Variants in SEMA5A observed in about 807,000 individuals in gnomAD.
SEMA5A encodes the protein semaphorin 5A.
In SEMA5A, 55 loss-of-function variants were observed where a neutral mutation model predicts 135.5. That is an observed-to-expected ratio of 0.41 (90% CI 0.33 to 0.51). The LOEUF is 0.51. Among genes scored for constraint, SEMA5A ranks in the 20% least tolerant of loss-of-function variants. The pLI, the probability that SEMA5A is intolerant of heterozygous loss-of-function variation, is 0.37. For synonymous variants in SEMA5A, 580 were observed against 546.5 expected (o/e 1.06, Z -0.85); for missense variants, 1,290 against 1,419.9 (o/e 0.91, Z 1.47).
At chr5:9,333,463 C>T (rs1455210488) in intron 4 of SEMA5A, among the ~76,000 whole-genome samples, 29 of 152,190 alleles carry the variant, frequency 1.9e-4, no homozygotes, top group Admixed American at 1.5e-3. Flanking sequence ...AATCACTTGC[C>T]ACCCTTAGAA....
chr5:9,462,179 T>C (rs1759082586), intron 1 of SEMA5A, among the ~76,000 whole-genome samples: 1 of 152,304 alleles, frequency 6.6e-6, no homozygotes, highest in African/African-American at 2.4e-5. Flanking sequence ...ATGAGCACAC[T>C]TTTTAAAAGA....
chr5:9,436,279 C>T (rs1214926263), intron 2 of SEMA5A, among the ~76,000 whole-genome samples: 5 of 152,232 alleles, frequency 3.3e-5, no homozygotes, highest in African/African-American at 1.2e-4. Context: ...CCAACACAGG[C>T]TCCATGTGGT....
chr5:9,439,970 G>A (rs1207963419), intron 1 of SEMA5A, among the ~76,000 whole-genome samples: 1 of 152,248 alleles, frequency 6.6e-6, no homozygotes, highest in African/African-American at 2.4e-5. Flanking sequence ...TACATAAATA[G>A]TGAAAAAGAT....
chr5:9,208,312 G>A (rs1333509211), intron 8 of SEMA5A, among the ~76,000 whole-genome samples: 1 of 152,192 alleles, frequency 6.6e-6, no homozygotes, highest in Non-Finnish European at 1.5e-5. Flanking sequence ...AAACACAGTG[G>A]CAGGGACCAT....
At chr5:9,170,204 G>A (rs1312305431) in intron 11 of SEMA5A, among the ~76,000 whole-genome samples, 1 of 152,124 alleles carries the variant, frequency 6.6e-6, no homozygotes, top group Admixed American at 6.5e-5. Context: ...CTGGTAGGGT[G>A]GAGGAACCTC....
chr5:9,213,496 A>C (rs1746455155), intron 8 of SEMA5A, among the ~76,000 whole-genome samples: 1 of 152,190 alleles, frequency 6.6e-6, no homozygotes, highest in Non-Finnish European at 1.5e-5. Context: ...TTCCATTAAG[A>C]AGATGGCATT....
chr5:9,293,208 C>T (rs540028611), intron 5 of SEMA5A, among the ~76,000 whole-genome samples: 2 of 152,210 alleles, frequency 1.3e-5, no homozygotes, highest in South Asian at 4.1e-4. Flanking sequence ...CTCTCTCTCT[C>T]CTGGAAGAAT....
At chr5:9,358,005 T>G (rs531770632) in intron 3 of SEMA5A, among the ~76,000 whole-genome samples, 1 of 152,198 alleles carries the variant, frequency 6.6e-6, no homozygotes. Flanking sequence ...TTTGTCACAC[T>G]AGACTGAGAC....
chr5:9,085,256 A>G (rs561299848), intron 16 of SEMA5A, among the ~76,000 whole-genome samples: 24 of 152,362 alleles, frequency 1.6e-4, no homozygotes, highest in Non-Finnish European at 2.9e-4. Flanking sequence ...AAAAATTTGC[A>G]TAAGTAACAA....
At chr5:9,235,204 G>C (rs2150444756) in intron 6 of SEMA5A, among the ~76,000 whole-genome samples, 1 of 152,320 alleles carries the variant, frequency 6.6e-6, no homozygotes, top group Middle Eastern at 3.4e-3. Context: ...AGCTCATAAA[G>C]GGGAAGGGAG....
At position 9,154,513 on chromosome 5, in the gene SEMA5A, T is replaced by A. The variant is rs2150261450; in HGVS notation, c.1456A>T (p.Arg486Trp). 2 of 1,612,072 alleles carry A rather than the reference T, an allele frequency of 1.2e-6. No individual in the cohort carries two copies. The highest frequency in any genetic ancestry group is 2.2e-5 in the South Asian group (2 of 90,968). Residue 486 changes from arginine (R) to tryptophan (W), a missense_variant, in exon 12 of 23, where the codon AGG (arginine) becomes TGG (tryptophan). Transcript: ENST00000382496. The stretch of plus-strand genomic sequence containing the variant: ...CTGCGTGTGCGGTAGAACTGGCACC[T>A]CTTCAGGGGGATCTTGACCACGTGC... Reference protein sequence around the residue: ...REHVVKIPLKRCQFYRTRSTC... With the variant: ...REHVVKIPLKWCQFYRTRSTC...
chr5:9,407,155 G>A (rs190954620), intron 2 of SEMA5A, among the ~76,000 whole-genome samples: 1 of 152,322 alleles, frequency 6.6e-6, no homozygotes, highest in Admixed American at 6.5e-5. Context: ...CCCTTGCAGA[G>A]GAGGAGAAGG....
At chr5:9,205,337 A>T (rs1437395456) in intron 8 of SEMA5A, among the ~76,000 whole-genome samples, 1 of 120,800 alleles carries the variant, frequency 8.3e-6, no homozygotes, top group Non-Finnish European at 1.8e-5. Context: ...AAGAAGAAAA[A>T]GTGGAAGAAG....
intron 13 of SEMA5A, among the ~76,000 whole-genome samples, chr5:9,130,871 TA>T (rs1741371758): frequency 6.6e-6 from 1 of 152,174 alleles, no homozygotes; most frequent in Admixed American, 6.5e-5. Flanking sequence ...ATGTTGAATT[TA>T]AATCCTGGTT....
At chr5:9,062,420 G>A (rs1737232777) in intron 18 of SEMA5A, among the ~76,000 whole-genome samples, 1 of 152,046 alleles carries the variant, frequency 6.6e-6, no homozygotes, top group South Asian at 2.1e-4. Flanking sequence ...TTCCACTCTG[G>A]GCTAATCCAA....
chr5:9,239,121 G>A (rs1748069084), intron 5 of SEMA5A, among the ~76,000 whole-genome samples: 1 of 152,124 alleles, frequency 6.6e-6, no homozygotes, highest in African/African-American at 2.4e-5. Context: ...ACTGCATCTT[G>A]TATAATTTAT....
At chr5:9,237,414 TAAAG>T (rs1339704082) in intron 6 of SEMA5A, among the ~76,000 whole-genome samples, 1 of 152,218 alleles carries the variant, frequency 6.6e-6, no homozygotes, top group Non-Finnish European at 1.5e-5. Flanking sequence ...TATGTTAAGA[TAAAG>T]AATCTATCAC....
chr5:9,362,396 C>T (rs1246010195), intron 3 of SEMA5A, among the ~76,000 whole-genome samples: 1 of 152,136 alleles, frequency 6.6e-6, no homozygotes, highest in Non-Finnish European at 1.5e-5. Context: ...ACCATCAACT[C>T]GGCCTACTGT....
At chr5:9,396,894 T>A (rs1756428748) in intron 2 of SEMA5A, among the ~76,000 whole-genome samples, 1 of 152,206 alleles carries the variant, frequency 6.6e-6, no homozygotes, top group Non-Finnish European at 1.5e-5. Flanking sequence ...CATCCTTGAT[T>A]AACACAAATC....
Sources: allele counts gnomAD v4.1 joint callset (sites outside exome capture counted in the v4.1 genomes callset), GRCh38; gene constraint gnomAD v4.1.1; transcripts MANE v1.5; gene names NCBI Gene and HGNC (gene_info 2026-07-23, HGNC 2026-07-21).